YLPM1: variants seen among roughly 807,000 people sequenced by gnomAD.
YLPM1 encodes YLP motif containing 1.
YLPM1 carries 99 observed loss-of-function variants against 230.0 expected under a neutral mutation model. The ratio of observed to expected loss-of-function variants is 0.43; its 90% confidence interval spans 0.37 to 0.51. YLPM1 has a LOEUF of 0.51. Among genes scored for constraint, YLPM1 ranks in the 20% least tolerant of loss-of-function variants. YLPM1 has a pLI of 0.00. For missense variants in YLPM1, 2,592 were observed against 2,707.7 expected, an observed-to-expected ratio of 0.96 and a Z score of 0.95; for synonymous variants, 984 against 942.5, an observed-to-expected ratio of 1.04 and a Z score of -0.81.
chr14:74,818,410 T>C, intron 16 of YLPM1, 96 bp downstream of exon 16: 1 of 1,000,896 alleles, frequency 1.0e-6, no homozygotes, highest in Non-Finnish European at 1.4e-6. Flanking sequence ...GTTATATGAA[T>C]AGTATTCATA....
chr14:74,781,784 T>C lies in YLPM1; in HGVS notation c.1741T>C (p.Ser581Pro), dbSNP rs749041517. ...TGTTCCCCCACCAGGGATGCCTCCT[T>C]CTCTCTCTTCTGCAGGGCCACCACC... is the stretch of plus-strand genomic sequence containing the variant. ...TSVPPPGMPP[S>P]LSSAGPPPVL... is the part of the protein sequence containing the mutation. Residue 581 changes from serine to proline, a missense_variant, in exon 4 of 21, where the codon TCT becomes CCT. Around this residue, in one of 4 missense-constraint regions of YLPM1, gnomAD observed 1,862 missense variants for 1,819.8 expected, o/e 1.02. Transcript: ENST00000325680. 31 of 1,603,718 alleles carry C rather than the reference T, an allele frequency of 1.9e-5. No individual in the cohort carries two copies. The highest frequency in any genetic ancestry group is 6.8e-5 in the Admixed American group (4 of 58,978).
At chr14:74,817,891 C>CA (rs2091491865) in intron 15 of YLPM1, among the ~76,000 whole-genome samples, 1 of 151,246 alleles carries the variant, frequency 6.6e-6, no homozygotes, top group Non-Finnish European at 1.5e-5. Flanking sequence ...CCTGTCTCTA[C>CA]AAAAAAATAC....
chr14:74,822,266 G>A (rs532484822), intron 17 of YLPM1, among the ~76,000 whole-genome samples: 7 of 152,164 alleles, frequency 4.6e-5, no homozygotes, highest in African/African-American at 7.2e-5. Flanking sequence ...CATTTGCAGC[G>A]TGTGTACTAG....
intron 17 of YLPM1, among the ~76,000 whole-genome samples, chr14:74,823,236 C>G (rs554572798): frequency 6.6e-6 from 1 of 152,150 alleles, no homozygotes; most frequent in South Asian, 2.1e-4. Context: ...CAGTTTGTTT[C>G]ATGAACTTGA....
At chr14:74,823,936 C>CTACCT (rs2091543234) in intron 17 of YLPM1, 2 of 218,732 alleles carry the variant, frequency 9.1e-6, no homozygotes, top group Admixed American at 1.2e-4. Flanking sequence ...AGCACAGTAA[C>CTACCT]TACCTGTACA....
At position 74,781,750 on chromosome 14, in the gene YLPM1, A is replaced by T. The variant is rs756795005; in HGVS notation, c.1707A>T (p.Leu569=). Residue 569 remains leucine, a synonymous_variant, in exon 4 of 21, where the codon CTA becomes CTT. Coordinates refer to ENST00000325680, the MANE Select transcript of YLPM1 (RefSeq NM_019589.3). ...CCCCACCTGTTATGCCACCTTCTCT[A>T]CCAACCTCTGTTCCCCCACCAGGGA... The part of the protein sequence containing the change: ...GMPPPVMPPS[L]PTSVPPPGMP... 1.9e-6 allele frequency: 3 copies of T among 1,598,948 alleles called. No homozygotes were observed. The African/African-American group carries it at 4.3e-5, about 23-fold the overall frequency.
chr14:74,816,426 A>T (rs924491834), intron 12 of YLPM1, 145 bp from the exon 13 acceptor site: 2 of 1,246,812 alleles, frequency 1.6e-6, no homozygotes, highest in Non-Finnish European at 2.2e-6. Context: ...ATATATTTTT[A>T]TCTACTCAGA....
At chr14:74,829,109 G>A in intron 18 of YLPM1, 104 bp from the exon 19 acceptor site, 8 of 1,374,248 alleles carry the variant, frequency 5.8e-6, no homozygotes, top group Non-Finnish European at 7.0e-6. Flanking sequence ...TCAAAAATGT[G>A]GATATGCCCT....
At position 74,810,054 on chromosome 14, in the gene YLPM1, C is replaced by T. The variant is rs549696779; in HGVS notation, c.5032+52C>T. ...TTTAAACATTTTAGGGCCTAATTAT[C>T]ACATGATTTTCCTTTTGGTGAGATT... On this transcript the variant is annotated intron_variant, in intron 8 of 20. Transcript: ENST00000325680. The T allele has an allele frequency of 4.0e-6, 6 of 1,514,800 alleles. 1 individual carries two copies. The South Asian group carries it at 7.5e-5, about 19-fold the overall frequency. The allele number at this position is 1,514,800 out of a possible 1,614,324, so 93.8% of individuals were successfully genotyped here. A position where few individuals can be genotyped will look rare whatever the true frequency, so the allele number is the denominator to read the frequency against.
Position 74,764,307 on chromosome 14 carries a change from G to A in YLPM1, c.818G>A (p.Ser273Asn), listed in dbSNP as rs1754250572. ...EPLESGAKNK[S>N]TEQQQAAPEP... ...TTGGAGAGTGGGGCCAAAAACAAGA[G>A]TACTGAACAGCAGCAAGCCGCCCCT... is the stretch of plus-strand genomic sequence containing the variant. Residue 273 changes from serine (S) to asparagine (N), a missense_variant, in exon 1 of 21, where the codon AGT becomes AAT. Coordinates refer to ENST00000325680, the MANE Select transcript of YLPM1 (RefSeq NM_019589.3). 6.2e-7 allele frequency: 1 copy of A among 1,613,744 alleles called. No homozygotes were observed. The highest frequency in any genetic ancestry group is 1.3e-5 in the African/African-American group (1 of 74,990).
chr14:74,764,037 A>G lies in YLPM1; in HGVS notation c.548A>G (p.Tyr183Cys), dbSNP rs1354154485. ...SYYPPTSSQP[Y>C]LPPAQPSPSQ... ...TACCCCCCGACCTCATCTCAGCCCT[A>G]CCTGCCTCCTGCTCAGCCGTCCCCT... The change falls in exon 1 of 21, where the codon TAC (tyrosine) becomes TGC (cysteine). Residue 183 changes from tyrosine to cysteine, a missense_variant. Tyr to Cys is a radical substitution (Grantham distance 194). Coordinates refer to ENST00000325680, the MANE Select transcript of YLPM1 (RefSeq NM_019589.3). The G allele has an allele frequency of 6.3e-7, 1 of 1,597,172 alleles. No individual in the cohort carries two copies. Among genetic ancestry groups the G allele is most frequent in the Non-Finnish European group, 8.5e-7 (1 of 1,174,218 alleles).
At chr14:74,814,961 T>C (rs2091465106) in intron 11 of YLPM1, among the ~76,000 whole-genome samples, 1 of 152,238 alleles carries the variant, frequency 6.6e-6, no homozygotes, top group Non-Finnish European at 1.5e-5. Context: ...TCTACATCTT[T>C]CCAGGAATTT....
chr14:74,818,334 A>G lies in YLPM1; in HGVS notation c.6030+20A>G, dbSNP rs1301427331. The G allele has an allele frequency of 6.4e-7, 1 of 1,562,020 alleles. No individual in the cohort carries two copies. Among genetic ancestry groups the G allele is most frequent in the African/African-American group, 1.4e-5 (1 of 73,664 alleles). ...GAAGAGGTGAGTATCCTTTGGTTCA[A>G]ATGCAATGCAAAGTGATGTTACTTT... is the stretch of plus-strand genomic sequence containing the variant. On this transcript the variant is annotated intron_variant, in intron 16 of 20. Coordinates refer to ENST00000325680, the MANE Select transcript of YLPM1 (RefSeq NM_019589.3).
intron 19 of YLPM1, among the ~76,000 whole-genome samples, chr14:74,830,856 G>A (rs1038700246): frequency 6.6e-5 from 10 of 152,128 alleles, no homozygotes; most frequent in African/African-American, 1.9e-4. Flanking sequence ...AGACATTCAC[G>A]AGGATCCTCC....
chr14:74,816,969 T>C lies in YLPM1; in HGVS notation c.5724T>C (p.Thr1908=), dbSNP rs1400861626. Residue 1908 remains threonine (T), a synonymous_variant, in exon 14 of 21, where the codon ACT becomes ACC. Transcript: ENST00000325680. Reference sequence around the variant, plus strand: ...AATATGAAGCTGAGATGGAGGAGACTTACCGCACCAGCATGTTCAAAACTT... The same window carrying C: ...AATATGAAGCTGAGATGGAGGAGACCTACCGCACCAGCATGTTCAAAACTT... ...EYEYEAEMEE[T]YRTSMFKTFK... 2 of 1,601,504 alleles carry C rather than the reference T, an allele frequency of 1.2e-6. No homozygotes were observed. Among genetic ancestry groups the C allele is most frequent in the Non-Finnish European group, 1.7e-6 (2 of 1,175,768 alleles).
At position 74,763,454 on chromosome 14, in the gene YLPM1, C is replaced by T. The variant is rs2090869586; in HGVS notation, c.-36C>T. 2.2e-6 allele frequency: 3 copies of T among 1,376,720 alleles called. No individual in the cohort carries two copies. Among genetic ancestry groups the T allele is most frequent in the Admixed American group, 2.9e-5 (1 of 34,342 alleles). 85.3% of individuals were successfully genotyped at this position (1,376,720 alleles called of 1,614,324 possible). A position where few individuals can be genotyped will look rare whatever the true frequency, so the allele number is the denominator to read the frequency against. On this transcript the variant is annotated 5_prime_UTR_variant, in exon 1 of 21. In the 5' UTR this introduces an upstream ATG that the reference lacks. Coordinates refer to ENST00000325680, the MANE Select transcript of YLPM1 (RefSeq NM_019589.3). ...CCTGGAGGTCGGTTGCGACGAGTAACGGCGCCAGGACGAGCCCTGCGCCTT... is the reference window on the plus strand; with the variant it reads ...CCTGGAGGTCGGTTGCGACGAGTAATGGCGCCAGGACGAGCCCTGCGCCTT...
At chr14:74,785,758 T>G (rs2091142979) in intron 4 of YLPM1, among the ~76,000 whole-genome samples, 1 of 152,238 alleles carries the variant, frequency 6.6e-6, no homozygotes, top group African/African-American at 2.4e-5. Context: ...TGTAAATGGC[T>G]TTGAGTTTTT....
chr14:74,770,136 C>T (rs898559453), intron 1 of YLPM1, among the ~76,000 whole-genome samples: 2 of 150,844 alleles, frequency 1.3e-5, no homozygotes, highest in Non-Finnish European at 3.0e-5. Flanking sequence ...GAGCCGAGAT[C>T]GCGCCACTGC....
At chr14:74,791,762 C>G (rs540308632) in intron 4 of YLPM1, among the ~76,000 whole-genome samples, 1 of 152,230 alleles carries the variant, frequency 6.6e-6, no homozygotes, top group Non-Finnish European at 1.5e-5. Context: ...AGGCATGACT[C>G]TCTTTTTAGC....
Sources: allele counts gnomAD v4.1 joint callset (sites outside exome capture counted in the v4.1 genomes callset), GRCh38; gene constraint gnomAD v4.1.1; regional missense constraint gnomAD v4.1.1; transcripts MANE v1.5; gene names NCBI Gene and HGNC (gene_info 2026-07-23, HGNC 2026-07-21).